The following MGARP variants were observed in gnomAD, a reference collection of about 807,000 sequenced individuals.
The protein encoded by MGARP is mitochondria localized glutamic acid rich protein, also known as protein MGARP.
In MGARP, 12 loss-of-function variants were observed where a neutral mutation model predicts 11.0. That is an observed-to-expected ratio of 1.09 (90% CI 0.70 to 1.77). The LOEUF is 1.77. Among genes scored for constraint, MGARP ranks in the 40% most tolerant of loss-of-function variants. The pLI, the probability that MGARP is intolerant of heterozygous loss-of-function variation, is 0.00. For synonymous variants in MGARP, 110 were observed against 115.4 expected (o/e 0.95, Z 0.30); for missense variants, 283 against 297.8 (o/e 0.95, Z 0.36).
At chr4:139,267,083 C>A in intron 3 of MGARP, 42 bp from the exon 4 acceptor site, 2 of 1,579,140 alleles carry the variant, frequency 1.3e-6, no homozygotes, top group Non-Finnish European at 1.7e-6. Flanking sequence ...ATTTAAAGAT[C>A]GTGGGAAGGC....
intron 1 of MGARP, 101 bp downstream of exon 1, chr4:139,279,976 G>T: frequency 8.3e-7 from 1 of 1,207,686 alleles, no homozygotes; most frequent in Non-Finnish European, 1.2e-6. Context: ...TGCTGCTCTG[G>T]GTCGGGTTTG....
intron 2 of MGARP, among the ~76,000 whole-genome samples, chr4:139,270,602 G>A (rs1476772626): frequency 2.5e-5 from 3 of 120,964 alleles, no homozygotes; most frequent in Non-Finnish European, 3.4e-5. Context: ...GAGCGAGACC[G>A]CGTCTGAAAA....
intron 1 of MGARP, 91 bp downstream of exon 1, chr4:139,279,986 G>T: frequency 2.9e-6 from 4 of 1,385,616 alleles, no homozygotes; most frequent in Non-Finnish European, 4.0e-6. Context: ...GGTCGGGTTT[G>T]GCCAACTGGG....
chr4:139,272,338 C>T (rs757254922), intron 2 of MGARP, among the ~76,000 whole-genome samples: 4 of 151,750 alleles, frequency 2.6e-5, no homozygotes, highest in African/African-American at 7.3e-5. Context: ...AGGAAGATCA[C>T]GAGGTCAGGA....
At chr4:139,274,108 A>T (rs1045788665) in intron 2 of MGARP, among the ~76,000 whole-genome samples, 1 of 151,654 alleles carries the variant, frequency 6.6e-6, no homozygotes, top group African/African-American at 2.4e-5. Flanking sequence ...AACAAAAATT[A>T]TGGAGACAGT....
intron 1 of MGARP, among the ~76,000 whole-genome samples, chr4:139,278,531 A>G (rs1196653424): frequency 6.6e-6 from 1 of 152,190 alleles, no homozygotes; most frequent in Non-Finnish European, 1.5e-5. Context: ...ATTTTGCCGC[A>G]AATTGGGAAG....
intron 1 of MGARP, among the ~76,000 whole-genome samples, chr4:139,277,559 G>A (rs1744891772): frequency 6.6e-6 from 1 of 151,908 alleles, no homozygotes; most frequent in African/African-American, 2.4e-5. Flanking sequence ...ATACAATGAT[G>A]GACAAGTTAC....
chr4:139,277,296 T>C (rs1452897926), intron 1 of MGARP, among the ~76,000 whole-genome samples: 1 of 152,198 alleles, frequency 6.6e-6, no homozygotes, highest in Non-Finnish European at 1.5e-5. Context: ...CACAACGATT[T>C]CCTGTTTATG....
At chr4:139,273,979 A>G (rs1364539857) in intron 2 of MGARP, among the ~76,000 whole-genome samples, 1 of 152,202 alleles carries the variant, frequency 6.6e-6, no homozygotes, top group African/African-American at 2.4e-5. Context: ...GGGAATGGAC[A>G]TGGGGACTGG....
At chr4:139,271,204 T>C (rs1744775893) in intron 2 of MGARP, among the ~76,000 whole-genome samples, 1 of 152,186 alleles carries the variant, frequency 6.6e-6, no homozygotes, top group African/African-American at 2.4e-5. Flanking sequence ...ACAATTTTTA[T>C]AAGCCAGTCT....
intron 1 of MGARP, among the ~76,000 whole-genome samples, chr4:139,277,711 G>A (rs1056417894): frequency 1.3e-5 from 2 of 152,130 alleles, no homozygotes; most frequent in South Asian, 4.1e-4. Context: ...AATGTATTAG[G>A]TGAAAAGTCA....
At chr4:139,267,938 A>T (rs1020226233) in intron 3 of MGARP, among the ~76,000 whole-genome samples, 2 of 152,146 alleles carry the variant, frequency 1.3e-5, no homozygotes, top group Admixed American at 6.6e-5. Context: ...ACATAGTGAG[A>T]CCCTGTCTCT....
rs1428709845 is a variant in MGARP at position 139,267,041 on chromosome 4, C to T, written c.281G>A (p.Gly94Asp). 5 of 1,610,888 alleles carry T rather than the reference C, an allele frequency of 3.1e-6. No homozygotes were observed. The highest frequency in any genetic ancestry group is 1.7e-5 in the Admixed American group (1 of 59,384). ...KTKAEIHPFQ[G>D]EKENVAETEK... is the part of the protein sequence containing the mutation. ...AGTTTCCGCAACATTCTCCTTTTCACCTTTAAGAATTAGTCATTAAGCAAG... is the reference window on the plus strand; with the variant it reads ...AGTTTCCGCAACATTCTCCTTTTCATCTTTAAGAATTAGTCATTAAGCAAG... Residue 94 changes from glycine (G) to aspartate (D), a missense_variant and splice_region_variant, in exon 4 of 4, where the codon GGT becomes GAT. Transcript: ENST00000398955.
chr4:139,270,434 C>T (rs1744761712), intron 2 of MGARP, among the ~76,000 whole-genome samples: 1 of 150,100 alleles, frequency 6.7e-6, no homozygotes, highest in Non-Finnish European at 1.5e-5. Flanking sequence ...ATGGTGAAAC[C>T]CCATCTCTAC....
intron 1 of MGARP, among the ~76,000 whole-genome samples, chr4:139,277,655 C>A (rs1408638601): frequency 6.6e-6 from 1 of 152,032 alleles, no homozygotes; most frequent in Non-Finnish European, 1.5e-5. Context: ...AACAAATAGA[C>A]ATAACTTTTG....
In MGARP at chr4:139,266,623, A is replaced by G; in HGVS notation, c.699T>C (p.Ser233=). 1 of 1,613,676 alleles carries G rather than the reference A, an allele frequency of 6.2e-7. No homozygotes were observed. ...ATTAGCCTTGAGCCGAAGCAGCCTCAGAGCCAACACTGGCTTCCTCCTGTA... is the reference window on the plus strand; with the variant it reads ...ATTAGCCTTGAGCCGAAGCAGCCTCGGAGCCAACACTGGCTTCCTCCTGTA... ...DDLQEEASVG[S]EAASAQG The change falls in exon 4 of 4, where the codon TCT becomes TCC. Residue 233 remains serine, a synonymous_variant. Transcript: ENST00000398955.
intron 2 of MGARP, among the ~76,000 whole-genome samples, chr4:139,274,288 T>C (rs1388911411): frequency 6.6e-6 from 1 of 152,066 alleles, no homozygotes; most frequent in Admixed American, 6.6e-5. Context: ...ACCCTGGACT[T>C]TAGTTAATAA....
chr4:139,266,463 G>T lies in MGARP; in HGVS notation c.*136C>A. 1 of 779,328 alleles carries T rather than the reference G, an allele frequency of 1.3e-6. No individual in the cohort carries two copies. Among genetic ancestry groups the T allele is most frequent in the Non-Finnish European group, 2.0e-6 (1 of 501,522 alleles). The allele number at this position is 779,328 out of a possible 1,614,324, so 48.3% of individuals were successfully genotyped here. A position where few individuals can be genotyped will look rare whatever the true frequency, so the allele number is the denominator to read the frequency against. ...TCAGTCCTAAAATCTATCAGTGGAT[G>T]CCAAAAATCTTCAAGACCCATTAAC... On this transcript the variant is annotated 3_prime_UTR_variant, in exon 4 of 4. Coordinates refer to ENST00000398955, the MANE Select transcript of MGARP (RefSeq NM_032623.4).
rs187360770 is a variant in MGARP at position 139,275,264 on chromosome 4, G to A, written c.186+25C>T. 1.3e-5 allele frequency: 20 copies of A among 1,568,832 alleles called. No homozygotes were observed. The Admixed American group carries it at 2.9e-4, about 23-fold the overall frequency. On this transcript the variant is annotated intron_variant, in intron 2 of 3. Transcript: ENST00000398955. ...AGTTGTAAAATACATGAATTCTTGA[G>A]CACTGTGGTTATATAATCACTTACA...
Sources: allele counts gnomAD v4.1 joint callset (sites outside exome capture counted in the v4.1 genomes callset), GRCh38; gene constraint gnomAD v4.1.1; transcripts MANE v1.5; gene names NCBI Gene and HGNC (gene_info 2026-07-23, HGNC 2026-07-21).